The following TMEM167B variants were observed in gnomAD, a reference collection of about 807,000 sequenced individuals.
The protein encoded by TMEM167B is protein kish-B.
Under a neutral mutation model 9.4 loss-of-function variants are expected in TMEM167B, and 2 were observed. The observed-to-expected ratio is 0.21, with a 90% CI of 0.09 to 0.67. The LOEUF (loss-of-function observed/expected upper bound fraction) is 0.67, where lower values mean the gene tolerates loss of function less well. Among genes scored for constraint, TMEM167B ranks in the 30% least tolerant of loss-of-function variants. TMEM167B has a pLI of 0.82. For synonymous variants in TMEM167B, 28 were observed against 32.0 expected (o/e 0.87, Z 0.42); for missense variants, 68 against 87.6 (o/e 0.78, Z 0.89).
At chr1:109,090,915 G>T in intron 1 of TMEM167B, 33 bp downstream of exon 1, 1 of 1,577,274 alleles carries the variant, frequency 6.3e-7, no homozygotes, top group Non-Finnish European at 8.6e-7. Context: ...GAGGGTGGGA[G>T]TGAAGGACGA....
Position 109,096,531 on chromosome 1 carries a change from G to A in TMEM167B, c.*2032G>A, listed in dbSNP as rs1284247832. The A allele has an allele frequency of 1.3e-5, 2 of 152,122 alleles. No individual in the cohort carries two copies. Among genetic ancestry groups the A allele is most frequent in the Admixed American group, 6.5e-5 (1 of 15,268 alleles). 9.4% of individuals were successfully genotyped at this position (152,122 alleles called of 1,614,324 possible). On this transcript the variant is annotated 3_prime_UTR_variant, in exon 3 of 3. Coordinates refer to ENST00000338272, the MANE Select transcript of TMEM167B (RefSeq NM_020141.4). Reference sequence around the variant, plus strand: ...GTTTTTACAGCCTCCTGGGTGGGTCGTCTTGACCCAAACTCTTGTGTTGTT... The same window carrying A: ...GTTTTTACAGCCTCCTGGGTGGGTCATCTTGACCCAAACTCTTGTGTTGTT...
chr1:109,092,280 C>T (rs1168321873), intron 1 of TMEM167B, among the ~76,000 whole-genome samples: 4 of 152,138 alleles, frequency 2.6e-5, no homozygotes, highest in African/African-American at 7.2e-5. Context: ...AAATTGTAGT[C>T]ATGTGGATTC....
rs1019208434 is a variant in TMEM167B at position 109,095,527 on chromosome 1, G to GT, written c.*1031dup. On this transcript the variant is annotated 3_prime_UTR_variant, in exon 3 of 3. Transcript: ENST00000338272. ...ATAAAAGACAACAAACTTATTTTCT[G>GT]TTTAAGTCTGAGTGTTATGGCAATT... is the stretch of plus-strand genomic sequence containing the variant. 4 of 152,042 alleles carry GT rather than the reference G, an allele frequency of 2.6e-5. No homozygotes were observed. The highest frequency in any genetic ancestry group is 1.3e-4 in the Admixed American group (2 of 15,260). 9.4% of individuals were successfully genotyped at this position (152,042 alleles called of 1,614,324 possible).
chr1:109,094,747 TGTCC>T lies in TMEM167B; in HGVS notation c.*250_*253del. 2.1e-6 allele frequency: 1 copy of T among 481,842 alleles called. No individual in the cohort carries two copies. The highest frequency in any genetic ancestry group is 3.7e-6 in the Non-Finnish European group (1 of 270,902). 29.8% of individuals were successfully genotyped at this position (481,842 alleles called of 1,614,324 possible). A position where few individuals can be genotyped will look rare whatever the true frequency, so the allele number is the denominator to read the frequency against. The stretch of plus-strand genomic sequence containing the variant: ...TCAGTCCTTGGCAGAGTGCATATAA[TGTCC>T]GGATAAATTACACCCCTCGGTGATA... On this transcript the variant is annotated 3_prime_UTR_variant, in exon 3 of 3. Transcript: ENST00000338272.
chr1:109,090,790 G>A lies in TMEM167B; in HGVS notation c.-83G>A. On this transcript the variant is annotated 5_prime_UTR_variant, in exon 1 of 3. Coordinates refer to ENST00000338272, the MANE Select transcript of TMEM167B (RefSeq NM_020141.4). ...TTCCAGTCACCTCGGCCCGGATCGG[G>A]AAGTGTCAAGCGGGCGCTCCCCCAT... is the stretch of plus-strand genomic sequence containing the variant. 6.6e-7 allele frequency: 1 copy of A among 1,522,536 alleles called. No homozygotes were observed. The highest frequency in any genetic ancestry group is 8.9e-7 in the Non-Finnish European group (1 of 1,120,122). The allele number at this position is 1,522,536 out of a possible 1,614,324, so 94.3% of individuals were successfully genotyped here. A position where few individuals can be genotyped will look rare whatever the true frequency, so the allele number is the denominator to read the frequency against.
At chr1:109,093,196 T>A in intron 2 of TMEM167B, 175 bp downstream of exon 2, 2 of 951,272 alleles carry the variant, frequency 2.1e-6, no homozygotes, top group Non-Finnish European at 3.0e-6. Flanking sequence ...AGGGAAGAGG[T>A]AAAAGTTAAA....
In TMEM167B at chr1:109,094,570, C is replaced by CCCAGTGT. The variant is rs1468085472; in HGVS notation, c.*72_*78dup. ...ATGAAGAACCTGTTGGAGACCTGAACCCAGTGTAGGAGAGTTCAGCTGAAA... is the reference window on the plus strand; with the variant it reads ...ATGAAGAACCTGTTGGAGACCTGAACCCAGTGTCCAGTGTAGGAGAGTTCAGCTGAAA... On this transcript the variant is annotated 3_prime_UTR_variant, in exon 3 of 3. Coordinates refer to ENST00000338272, the MANE Select transcript of TMEM167B (RefSeq NM_020141.4). 3 of 1,468,530 alleles carry CCCAGTGT rather than the reference C, an allele frequency of 2.0e-6. No individual in the cohort carries two copies. The African/African-American group carries it at 4.2e-5, about 20-fold the overall frequency. 91.0% of individuals were successfully genotyped at this position (1,468,530 alleles called of 1,614,324 possible). A position where few individuals can be genotyped will look rare whatever the true frequency, so the allele number is the denominator to read the frequency against.
chr1:109,094,752 G>A lies in TMEM167B; in HGVS notation c.*253G>A, dbSNP rs949981258. The A allele has an allele frequency of 4.4e-6, 2 of 457,688 alleles. No homozygotes were observed. The highest frequency in any genetic ancestry group is 2.0e-5 in the African/African-American group (1 of 49,576). The allele number at this position is 457,688 out of a possible 1,614,324, so 28.4% of individuals were successfully genotyped here. A position where few individuals can be genotyped will look rare whatever the true frequency, so the allele number is the denominator to read the frequency against. On this transcript the variant is annotated 3_prime_UTR_variant, in exon 3 of 3. Transcript: ENST00000338272. ...CCTTGGCAGAGTGCATATAATGTCC[G>A]GATAAATTACACCCCTCGGTGATAA...
In TMEM167B at chr1:109,092,914, T is replaced by C. The variant is rs774435046; in HGVS notation, c.35T>C (p.Val12Ala). The C allele has an allele frequency of 9.3e-6, 15 of 1,613,994 alleles. No individual in the cohort carries two copies. The African/African-American group carries it at 1.5e-4, about 16-fold the overall frequency. ...TNVYSLDGILVFGLLFVCTCA... is the reference protein window; with the variant it reads ...TNVYSLDGILAFGLLFVCTCA... ...GTGTACTCCTTGGATGGGATTCTGG[T>C]GTTTGGTTTGCTCTTTGTTTGCACC... Residue 12 changes from valine to alanine, a missense_variant, in exon 2 of 3, where the codon GTG (valine) becomes GCG (alanine). Val to Ala is a moderately conservative substitution (Grantham distance 64). Coordinates refer to ENST00000338272, the MANE Select transcript of TMEM167B (RefSeq NM_020141.4).
chr1:109,092,302 A>G (rs1245180892), intron 1 of TMEM167B, among the ~76,000 whole-genome samples: 15 of 152,142 alleles, frequency 9.9e-5, no homozygotes, highest in Admixed American at 9.8e-4. Flanking sequence ...TACTCTTGCA[A>G]CTTTCATTAA....
chr1:109,094,001 C>T (rs1270459927), intron 2 of TMEM167B, among the ~76,000 whole-genome samples: 20 of 151,810 alleles, frequency 1.3e-4, no homozygotes, highest in African/African-American at 4.6e-4. Context: ...GCCAGGGAGC[C>T]GGGCACGGTG....
Position 109,090,788 on chromosome 1 carries a change from G to T in TMEM167B, c.-85G>T. 6.6e-7 allele frequency: 1 copy of T among 1,516,772 alleles called. No individual in the cohort carries two copies. The highest frequency in any genetic ancestry group is 1.2e-5 in the South Asian group (1 of 83,394). The allele number at this position is 1,516,772 out of a possible 1,614,324, so 94.0% of individuals were successfully genotyped here. ...TCTTCCAGTCACCTCGGCCCGGATC[G>T]GGAAGTGTCAAGCGGGCGCTCCCCC... On this transcript the variant is annotated 5_prime_UTR_variant, in exon 1 of 3. Transcript: ENST00000338272.
chr1:109,094,378 A>C, intron 2 of TMEM167B, 39 bp from the exon 3 acceptor site: 6 of 1,605,002 alleles, frequency 3.7e-6, no homozygotes, highest in Non-Finnish European at 4.3e-6. Flanking sequence ...GACTTCGGTG[A>C]AGGGCAGGGT....
chr1:109,090,920 G>C, intron 1 of TMEM167B, 38 bp downstream of exon 1: 1 of 1,571,744 alleles, frequency 6.4e-7, no homozygotes, highest in Admixed American at 1.8e-5. Context: ...TGGGAGTGAA[G>C]GACGAAGGGA....
Position 109,092,907 on chromosome 1 carries a change from A to T in TMEM167B, c.28A>T (p.Ile10Phe). 4 of 1,613,834 alleles carry T rather than the reference A, an allele frequency of 2.5e-6. No individual in the cohort carries two copies. Among genetic ancestry groups the T allele is most frequent in the Non-Finnish European group, 3.4e-6 (4 of 1,179,952 alleles). Reference sequence around the variant, plus strand: ...TTTAACAGTGTACTCCTTGGATGGGATTCTGGTGTTTGGTTTGCTCTTTGT... The same window carrying T: ...TTTAACAGTGTACTCCTTGGATGGGTTTCTGGTGTTTGGTTTGCTCTTTGT... MTNVYSLDG[I>F]LVFGLLFVCT... The change falls in exon 2 of 3, where the codon ATT becomes TTT. Residue 10 changes from isoleucine to phenylalanine, a missense_variant. Transcript: ENST00000338272.
intron 1 of TMEM167B, chr1:109,091,881 T>C (rs985074706): frequency 3.9e-5 from 6 of 152,188 alleles, no homozygotes; most frequent in African/African-American, 1.4e-4. Flanking sequence ...ACTGGTTATA[T>C]ATAATATTCA....
Position 109,095,352 on chromosome 1 carries a change from C to T in TMEM167B, c.*853C>T, listed in dbSNP as rs1375212801. 10 of 152,022 alleles carry T rather than the reference C, an allele frequency of 6.6e-5. No homozygotes were observed. Among genetic ancestry groups the T allele is most frequent in the South Asian group, 2.1e-4 (1 of 4,824 alleles). 9.4% of individuals were successfully genotyped at this position (152,022 alleles called of 1,614,324 possible). ...TACTGTTACTCAGTTTTAAATGCCA[C>T]GACTAGGGGAAAAAGAAACTATTGA... On this transcript the variant is annotated 3_prime_UTR_variant, in exon 3 of 3. Transcript: ENST00000338272.
intron 1 of TMEM167B, among the ~76,000 whole-genome samples, chr1:109,091,321 G>C (rs761950901): frequency 1.3e-5 from 2 of 152,184 alleles, no homozygotes; most frequent in Non-Finnish European, 2.9e-5. Flanking sequence ...GGTTGCTGGT[G>C]AATGTAGACC....
Position 109,094,626 on chromosome 1 carries a change from C to G in TMEM167B, c.*127C>G, listed in dbSNP as rs1033098759. ...GGTCCCCAGGATGACACCACAGCAT[C>G]TGCCCCTGCTATATGTGGGGAAAAC... On this transcript the variant is annotated 3_prime_UTR_variant, in exon 3 of 3. Coordinates refer to ENST00000338272, the MANE Select transcript of TMEM167B (RefSeq NM_020141.4). 2 of 820,050 alleles carry G rather than the reference C, an allele frequency of 2.4e-6. No homozygotes were observed. Among genetic ancestry groups the G allele is most frequent in the African/African-American group, 3.4e-5 (2 of 59,594 alleles). 50.8% of individuals were successfully genotyped at this position (820,050 alleles called of 1,614,324 possible). A position where few individuals can be genotyped will look rare whatever the true frequency, so the allele number is the denominator to read the frequency against.
Sources: gnomAD v4.1 joint callset for allele counts (sites outside exome capture counted in the v4.1 genomes callset) on GRCh38, gnomAD v4.1.1 for gene constraint, MANE v1.5 for transcripts, NCBI Gene and HGNC (gene_info 2026-07-23, HGNC 2026-07-21) for gene names.